KCNAB1: variants seen among roughly 807,000 people sequenced by gnomAD.
KCNAB1 encodes the protein voltage-gated potassium channel subunit beta-1.
KCNAB1 carries 35 observed loss-of-function variants against 64.6 expected under a neutral mutation model. That is an observed-to-expected ratio of 0.54 (90% CI 0.41 to 0.72). The LOEUF is 0.72. KCNAB1 is among the 30% of genes least tolerant of loss of function. KCNAB1 has a pLI of 0.00. For synonymous variants in KCNAB1, 177 were observed against 183.8 expected (o/e 0.96, Z 0.30); for missense variants, 401 against 512.9 (o/e 0.78, Z 2.11).
chr3:156,174,655 T>C (rs4258915), intron 1 of KCNAB1, among the ~76,000 whole-genome samples: 117,024 of 152,152 alleles, frequency 0.77, 45,179 homozygotes, highest in East Asian at 0.93. Flanking sequence ...AGCTGGTTAG[T>C]TATCCCATAC....
intron 1 of KCNAB1, among the ~76,000 whole-genome samples, chr3:156,357,973 T>G (rs1056939224): frequency 1.3e-5 from 2 of 152,120 alleles, no homozygotes; most frequent in African/African-American, 4.8e-5. Context: ...AGTTGATTCA[T>G]GTTTCCAAGT....
upstream of KCNAB1, among the ~76,000 whole-genome samples, chr3:156,119,015 A>G (rs1410640574): frequency 1.3e-5 from 2 of 152,232 alleles, no homozygotes; most frequent in African/African-American, 4.8e-5. Flanking sequence ...GCCTCCTTTG[A>G]TACATGCTTC....
At position 156,254,622 on chromosome 3, in the gene KCNAB1, A is replaced by G. The variant is rs192359546; in HGVS notation, c.275+133736A>G. On this transcript the variant is annotated intron_variant, in intron 1 of 13. Transcript: ENST00000490337. ...GAACTCTGCAGAAGGGAGTCACAAT[A>G]TTTGATATTTAGTTACAAAGGCTCA... Among the ~76,000 whole-genome samples, 634 of 152,352 alleles carry G rather than the reference A, an allele frequency of 4.2e-3. 1 individual carries two copies. Among genetic ancestry groups the G allele is most frequent in the Middle Eastern group, 0.01 (3 of 294 alleles).
intron 1 of KCNAB1, among the ~76,000 whole-genome samples, chr3:156,323,680 G>C (rs1234022108): frequency 6.6e-6 from 1 of 152,092 alleles, no homozygotes; most frequent in Non-Finnish European, 1.5e-5. Context: ...TGCAATATTG[G>C]GAGACGTGCT....
chr3:156,223,949 C>T (rs1029327585), intron 1 of KCNAB1, among the ~76,000 whole-genome samples: 5 of 152,234 alleles, frequency 3.3e-5, no homozygotes, highest in African/African-American at 1.2e-4. Context: ...GACCGGGCTC[C>T]GTGGAGCAGG....
At position 156,201,256 on chromosome 3, in the gene KCNAB1, A is replaced by G. The variant is rs372620538; in HGVS notation, c.275+80370A>G. The stretch of plus-strand genomic sequence containing the variant: ...GGAGCTGCAGACCTGGGCTGTTCCT[A>G]TTCGGCCATCTTGCCAGATCCCCTG... On this transcript the variant is annotated intron_variant, in intron 1 of 13. Transcript: ENST00000490337. 2.0e-5 allele frequency among the ~76,000 whole-genome samples: 3 copies of G among 152,306 alleles called. No homozygotes were observed. The East Asian group carries it at 5.8e-4, about 29-fold the overall frequency.
At chr3:156,186,463 C>T (rs761219685) in intron 1 of KCNAB1, among the ~76,000 whole-genome samples, 5 of 152,196 alleles carry the variant, frequency 3.3e-5, no homozygotes, top group African/African-American at 1.2e-4. Flanking sequence ...ACATGGCAGC[C>T]TCTGTTGTCT....
intron 1 of KCNAB1, among the ~76,000 whole-genome samples, chr3:156,127,927 G>A (rs1401892350): frequency 2.0e-5 from 3 of 147,952 alleles, no homozygotes; most frequent in East Asian, 4.1e-4. Context: ...GTGCACGTGC[G>A]TGCGCACCTG....
chr3:156,524,908 G>A (rs1718210656), intron 12 of KCNAB1, among the ~76,000 whole-genome samples: 1 of 152,034 alleles, frequency 6.6e-6, no homozygotes, highest in Non-Finnish European at 1.5e-5. Context: ...CTGAAAAATT[G>A]CTATTGCCTA....
At chr3:156,515,577 A>C (rs2108393566) in intron 10 of KCNAB1, among the ~76,000 whole-genome samples, 1 of 152,350 alleles carries the variant, frequency 6.6e-6, no homozygotes, top group Non-Finnish European at 1.5e-5. Flanking sequence ...CCTTTCAAAA[A>C]AAATCATGGA....
intron 1 of KCNAB1, among the ~76,000 whole-genome samples, chr3:156,272,188 T>C (rs946717992): frequency 6.6e-6 from 1 of 152,224 alleles, no homozygotes; most frequent in Non-Finnish European, 1.5e-5. Context: ...GCCCAAGGCC[T>C]GCTGTAATCA....
chr3:156,375,341 G>C (rs1380098722), intron 1 of KCNAB1, among the ~76,000 whole-genome samples: 2 of 134,560 alleles, frequency 1.5e-5, no homozygotes, highest in Admixed American at 1.4e-4. Flanking sequence ...AGCCACTTTT[G>C]TGGTGGAAGC....
chr3:156,392,734 T>C (rs1367192271), intron 1 of KCNAB1, among the ~76,000 whole-genome samples: 1 of 152,230 alleles, frequency 6.6e-6, no homozygotes, highest in Non-Finnish European at 1.5e-5. Flanking sequence ...TGGCAACTAT[T>C]GGAATGATCA....
At chr3:156,224,993 AAAG>A (rs1204260478) in intron 1 of KCNAB1, among the ~76,000 whole-genome samples, 1 of 152,176 alleles carries the variant, frequency 6.6e-6, no homozygotes, top group Admixed American at 6.5e-5. Context: ...TCAGACATTC[AAAG>A]AAGAATTGGT....
At chr3:156,397,424 A>G (rs1576815243) in intron 1 of KCNAB1, among the ~76,000 whole-genome samples, 1 of 152,220 alleles carries the variant, frequency 6.6e-6, no homozygotes, top group African/African-American at 2.4e-5. Context: ...CCGTCTGCAC[A>G]TTTAGTATAT....
At chr3:156,481,901 C>A (rs1714838723) in intron 8 of KCNAB1, among the ~76,000 whole-genome samples, 1 of 152,120 alleles carries the variant, frequency 6.6e-6, no homozygotes, top group South Asian at 2.1e-4. Context: ...CTGGGGCAAA[C>A]AAACGTAAGC....
chr3:156,513,869 T>C (rs1053968570), intron 8 of KCNAB1, among the ~76,000 whole-genome samples: 1 of 152,250 alleles, frequency 6.6e-6, no homozygotes, highest in East Asian at 1.9e-4. Flanking sequence ...AAACACATTG[T>C]TGTTGAGTCA....
intron 8 of KCNAB1, among the ~76,000 whole-genome samples, chr3:156,495,353 A>G (rs1203548707): frequency 1.3e-5 from 2 of 152,222 alleles, no homozygotes; most frequent in Non-Finnish European, 2.9e-5. Context: ...GAGAAATACC[A>G]TTCAACCCAG....
At chr3:156,324,165 A>G (rs1209811726) in intron 1 of KCNAB1, among the ~76,000 whole-genome samples, 1 of 152,184 alleles carries the variant, frequency 6.6e-6, no homozygotes, top group Non-Finnish European at 1.5e-5. Context: ...TTAATAGAAA[A>G]ATTGAAACCA....
Sources: allele counts gnomAD v4.1 joint callset (sites outside exome capture counted in the v4.1 genomes callset), GRCh38; gene constraint gnomAD v4.1.1; transcripts MANE v1.5; gene names NCBI Gene and HGNC (gene_info 2026-07-23, HGNC 2026-07-21).